The following USP54 variants were observed in gnomAD, a reference collection of about 807,000 sequenced individuals.
The protein encoded by USP54 is ubiquitin specific peptidase 54, also known as ubiquitin carboxyl-terminal hydrolase 54.
A neutral mutation model predicts 170.5 loss-of-function variants in USP54; 87 were observed. The ratio of observed to expected loss-of-function variants is 0.51; its 90% CI spans 0.43 to 0.61. The LOEUF is 0.61. Among genes scored for constraint, USP54 ranks in the 20% least tolerant of loss-of-function variants. The pLI is 0.00. For missense variants in USP54, 1,786 were observed against 2,047.8 expected (o/e 0.87, Z 2.47); for synonymous variants, 655 against 742.8 (o/e 0.88, Z 1.92).
At chr10:73,578,942 CTTTT>C (rs34362461) in intron 1 of USP54, among the ~76,000 whole-genome samples, 4 of 133,988 alleles carry the variant, frequency 3.0e-5, no homozygotes, top group Non-Finnish European at 4.8e-5. Flanking sequence ...GCAAAGATTC[CTTTT>C]TTTTTTTTTT....
intron 4 of USP54, among the ~76,000 whole-genome samples, chr10:73,555,310 T>C (rs2070691208): frequency 6.6e-6 from 1 of 152,180 alleles, no homozygotes; most frequent in Admixed American, 6.5e-5. Flanking sequence ...TACCTATCCT[T>C]TACCAGTCTC....
chr10:73,530,941 C>G, intron 12 of USP54, 106 bp from the exon 13 acceptor site: 1 of 1,493,722 alleles, frequency 6.7e-7, no homozygotes, highest in Non-Finnish European at 9.1e-7. Context: ...TTAGAGTACC[C>G]ATGGAACAGA....
chr10:73,529,808 G>T lies in USP54; in HGVS notation c.1932C>A (p.Gly644=). 4 of 1,612,792 alleles carry T rather than the reference G, an allele frequency of 2.5e-6. No individual in the cohort carries two copies. The highest frequency in any genetic ancestry group is 3.4e-6 in the Non-Finnish European group (4 of 1,179,158). The change falls in exon 15 of 24, where the codon GGC becomes GGA. Residue 644 remains glycine (G), a synonymous_variant. Transcript: ENST00000687698. ...QYKRWGPARP[G]SHLLEQHPRL... Reference sequence around the variant, plus strand: ...GGGGGTGCTGCTCTAAAAGGTGAGAGCCTGGCCGTGCTGGGCCCCAGCGCT... The same window carrying T: ...GGGGGTGCTGCTCTAAAAGGTGAGATCCTGGCCGTGCTGGGCCCCAGCGCT...
intron 1 of USP54, among the ~76,000 whole-genome samples, chr10:73,584,213 C>T (rs2077214137): frequency 6.6e-6 from 1 of 152,096 alleles, no homozygotes; most frequent in Non-Finnish European, 1.5e-5. Flanking sequence ...CATAGTGAAA[C>T]CCCATCTGTA....
intron 1 of USP54, among the ~76,000 whole-genome samples, chr10:73,624,021 A>T (rs1328863319): frequency 1.3e-5 from 2 of 151,918 alleles, no homozygotes; most frequent in East Asian, 3.9e-4. Flanking sequence ...ACAAAGCTTT[A>T]TCTTGCATCA....
chr10:73,558,994 T>C (rs1590377565), intron 4 of USP54, among the ~76,000 whole-genome samples: 1 of 152,182 alleles, frequency 6.6e-6, no homozygotes, highest in East Asian at 1.9e-4. Flanking sequence ...CTCAAAAAAT[T>C]TTATAATATA....
rs769675021 is a variant in USP54, at chr10:73,530,709, C to A, written c.1442G>T (p.Ser481Ile). The A allele has an allele frequency of 6.2e-7, 1 of 1,614,116 alleles. No homozygotes were observed. Among genetic ancestry groups the A allele is most frequent in the Non-Finnish European group, 8.5e-7 (1 of 1,180,010 alleles). ...AGCAGTGCAGAAGGGCTTGCCTTCA[C>A]TGTGGTATCCCGAGGCCTGGGGCTC... Reference protein sequence around the residue: ...GDEPQASGYHSEGETLKEKQA... With the variant: ...GDEPQASGYHIEGETLKEKQA... The change falls in exon 13 of 24, where the codon AGT becomes ATT. Residue 481 changes from serine to isoleucine, a missense_variant. Coordinates refer to ENST00000687698, the MANE Select transcript of USP54 (RefSeq NM_001391956.1).
intron 21 of USP54, 71 bp from the exon 22 acceptor site, chr10:73,505,061 T>C: frequency 1.2e-6 from 2 of 1,600,404 alleles, no homozygotes; most frequent in Non-Finnish European, 8.6e-7. Flanking sequence ...GACAGTATCC[T>C]CAGGGTATGG....
intron 4 of USP54, among the ~76,000 whole-genome samples, chr10:73,559,264 T>C (rs568478162): frequency 1.3e-4 from 20 of 151,044 alleles, no homozygotes; most frequent in African/African-American, 4.6e-4. Context: ...CTACTAAAAA[T>C]ACAAAAAATT....
intron 4 of USP54, among the ~76,000 whole-genome samples, chr10:73,549,716 T>C (rs2068772641): frequency 6.6e-6 from 1 of 152,202 alleles, no homozygotes; most frequent in Admixed American, 6.5e-5. Flanking sequence ...ACCTCTTCAC[T>C]GGATAATTGC....
chr10:73,580,679 T>G (rs1385189663), intron 1 of USP54, among the ~76,000 whole-genome samples: 1 of 152,114 alleles, frequency 6.6e-6, no homozygotes, highest in Non-Finnish European at 1.5e-5. Context: ...CTCAAGCGAT[T>G]TTCCTGCCTC....
At chr10:73,507,897 A>G (rs2059457351) in intron 20 of USP54, among the ~76,000 whole-genome samples, 1 of 152,130 alleles carries the variant, frequency 6.6e-6, no homozygotes, top group Non-Finnish European at 1.5e-5. Flanking sequence ...AGGCTGAGGC[A>G]GGAGGGTCAC....
At chr10:73,512,119 C>T (rs1408024508) in intron 20 of USP54, among the ~76,000 whole-genome samples, 1 of 151,922 alleles carries the variant, frequency 6.6e-6, no homozygotes, top group Non-Finnish European at 1.5e-5. Flanking sequence ...TCTATCTGAT[C>T]ACTTCTTTAT....
intron 1 of USP54, among the ~76,000 whole-genome samples, chr10:73,598,615 A>T (rs1290128471): frequency 1.3e-5 from 2 of 152,044 alleles, no homozygotes; most frequent in African/African-American, 4.8e-5. Context: ...AATCTCTACT[A>T]AAAATACAAA....
rs1455368991 is a variant in USP54, at chr10:73,534,669, A to T, written c.1246T>A (p.Ser416Thr). Residue 416 changes from serine (S) to threonine (T), a missense_variant, in exon 12 of 24, where the codon TCT becomes ACT. This residue lies in a region of USP54 where 1,418 missense variants were observed against 1,569.0 expected (regional missense o/e 0.90). Transcript: ENST00000687698. ...TAGATGACTGTCCCCTGAGAATCAG[A>T]AGAGAAGTGACTGACCACAGACTCA... Reference protein sequence around the residue: ...HHESVVSHFSSDSQGTVIYNV... With the variant: ...HHESVVSHFSTDSQGTVIYNV... The T allele has an allele frequency of 6.2e-7, 1 of 1,614,172 alleles. No homozygotes were observed. The highest frequency in any genetic ancestry group is 2.2e-5 in the East Asian group (1 of 44,878).
At chr10:73,613,172 T>TTACGTAG (rs2080298368) in intron 1 of USP54, among the ~76,000 whole-genome samples, 1 of 149,542 alleles carries the variant, frequency 6.7e-6, no homozygotes, top group Admixed American at 6.7e-5. Context: ...TCTCACTCTG[T>TTACGTAG]TACGTAGGCT....
chr10:73,510,824 A>G lies in USP54; in HGVS notation c.4052-5398T>C, dbSNP rs144581657. ...TTAATTTTTTATTTTTTAGATATCT[A>G]TAAGATGATGTCTGCCCAAGTTCAA... On this transcript the variant is annotated intron_variant, in intron 20 of 23. Coordinates refer to ENST00000687698, the MANE Select transcript of USP54 (RefSeq NM_001391956.1). Among the ~76,000 whole-genome samples, 85 of 152,252 alleles carry G rather than the reference A, an allele frequency of 5.6e-4. 1 individual carries two copies. The highest frequency in any genetic ancestry group is 1.8e-3 in the African/African-American group (74 of 41,564).
intron 5 of USP54, among the ~76,000 whole-genome samples, chr10:73,545,324 T>A (rs2067546110): frequency 6.6e-6 from 1 of 152,172 alleles, no homozygotes; most frequent in Admixed American, 6.5e-5. Context: ...TGATGTTTTA[T>A]GCAATGACAA....
intron 4 of USP54, among the ~76,000 whole-genome samples, chr10:73,552,572 C>G (rs2069737811): frequency 6.6e-6 from 1 of 152,072 alleles, no homozygotes; most frequent in Admixed American, 6.5e-5. Context: ...GGGAGGATTA[C>G]CTAAGGTCAG....
Sources: gnomAD v4.1 joint callset for allele counts (sites outside exome capture counted in the v4.1 genomes callset) on GRCh38, gnomAD v4.1.1 for gene constraint, gnomAD v4.1.1 regional missense constraint, MANE v1.5 for transcripts, NCBI Gene and HGNC (gene_info 2026-07-23, HGNC 2026-07-21) for gene names.